The following LHFPL3 variants were observed in gnomAD, a reference collection of about 807,000 sequenced individuals.
The protein encoded by LHFPL3 is LHFPL tetraspan subfamily member 3 protein.
A neutral mutation model predicts 19.3 loss-of-function variants in LHFPL3; 5 were observed. The ratio of observed to expected loss-of-function variants is 0.26; its 90% CI spans 0.14 to 0.54. The LOEUF is 0.54. Among genes scored for constraint, LHFPL3 ranks in the 20% least tolerant of loss-of-function variants. The probability of loss-of-function intolerance (pLI) is 0.94; values close to 1 mark genes in which losing one functional copy is unlikely to be tolerated. For missense variants in LHFPL3, 249 were observed against 307.4 expected (o/e 0.81, Z 1.42); for synonymous variants, 133 against 126.2 (o/e 1.05, Z -0.36).
chr7:104,652,554 G>A (rs1218462193), intron 1 of LHFPL3, among the ~76,000 whole-genome samples: 2 of 152,126 alleles, frequency 1.3e-5, no homozygotes, highest in African/African-American at 4.8e-5. Context: ...TTCAGAAAAG[G>A]TCTTAGCATA....
At chr7:104,690,813 G>C (rs1394508123) in intron 1 of LHFPL3, among the ~76,000 whole-genome samples, 1 of 152,230 alleles carries the variant, frequency 6.6e-6, no homozygotes, top group African/African-American at 2.4e-5. Flanking sequence ...CCAAAAGGCT[G>C]CCAGTTTTGG....
chr7:104,692,265 T>C (rs565758640), intron 1 of LHFPL3, among the ~76,000 whole-genome samples: 12 of 152,198 alleles, frequency 7.9e-5, no homozygotes, highest in Admixed American at 7.9e-4. Flanking sequence ...GATGATGTGA[T>C]AGAAAAGAAA....
At chr7:104,731,893 G>A (rs187489963) in intron 1 of LHFPL3, among the ~76,000 whole-genome samples, 8 of 152,242 alleles carry the variant, frequency 5.3e-5, no homozygotes, top group South Asian at 2.1e-4. Flanking sequence ...TTTGAGATAC[G>A]TCTCATTAAT....
At chr7:104,679,096 G>A (rs540806489) in intron 1 of LHFPL3, among the ~76,000 whole-genome samples, 2 of 152,360 alleles carry the variant, frequency 1.3e-5, no homozygotes, top group African/African-American at 4.8e-5. Context: ...CAACTTAGCT[G>A]GTAGTTCTAG....
chr7:104,762,402 A>G (rs1389042624), intron 2 of LHFPL3, among the ~76,000 whole-genome samples: 2 of 152,228 alleles, frequency 1.3e-5, no homozygotes, highest in African/African-American at 2.4e-5. Flanking sequence ...AAAATTAGAT[A>G]GCTGTGCAGG....
chr7:104,374,747 G>A (rs1050328981), intron 1 of LHFPL3, among the ~76,000 whole-genome samples: 3 of 152,188 alleles, frequency 2.0e-5, no homozygotes, highest in Non-Finnish European at 4.4e-5. Flanking sequence ...CCAATGTTAT[G>A]TGAATGATTC....
intron 1 of LHFPL3, among the ~76,000 whole-genome samples, chr7:104,365,307 AT>A (rs1432053981): frequency 1.3e-5 from 2 of 152,128 alleles, no homozygotes; most frequent in African/African-American, 2.4e-5. Context: ...CTCAAAAAAA[AT>A]AAAAAATAAA....
intron 1 of LHFPL3, among the ~76,000 whole-genome samples, chr7:104,626,815 T>C (rs1791553912): frequency 1.3e-5 from 2 of 152,210 alleles, no homozygotes; most frequent in South Asian, 2.1e-4. Flanking sequence ...TATATTTCCA[T>C]GTGCTGCTGC....
At chr7:104,511,361 T>C (rs1202696877) in intron 1 of LHFPL3, among the ~76,000 whole-genome samples, 2 of 152,122 alleles carry the variant, frequency 1.3e-5, no homozygotes, top group East Asian at 3.8e-4. Flanking sequence ...CATACATTGG[T>C]GGTGGGAATG....
At chr7:104,519,525 G>C (rs1794001093) in intron 1 of LHFPL3, among the ~76,000 whole-genome samples, 1 of 152,170 alleles carries the variant, frequency 6.6e-6, no homozygotes, top group Non-Finnish European at 1.5e-5. Context: ...AACCAGTTTA[G>C]GGAGGGAGAA....
chr7:104,669,517 T>C, intron 1 of LHFPL3: 3 of 1,611,862 alleles, frequency 1.9e-6, no homozygotes, highest in Non-Finnish European at 2.5e-6. Flanking sequence ...TGCAAGCAAG[T>C]ATGCTGCTCT....
intron 2 of LHFPL3, 55 bp downstream of exon 2, chr7:104,736,966 G>A: frequency 1.4e-6 from 2 of 1,379,894 alleles, no homozygotes; most frequent in East Asian, 2.5e-5. Context: ...AAAAAATGGT[G>A]CTCTCCATTC....
At chr7:104,552,173 C>T (rs923517393) in intron 1 of LHFPL3, among the ~76,000 whole-genome samples, 5 of 152,200 alleles carry the variant, frequency 3.3e-5, no homozygotes, top group African/African-American at 1.2e-4. Flanking sequence ...TTAAAGGAGT[C>T]TTCAGCAGCA....
chr7:104,390,855 G>A (rs1791051644), intron 1 of LHFPL3, among the ~76,000 whole-genome samples: 1 of 152,270 alleles, frequency 6.6e-6, no homozygotes, highest in East Asian at 1.9e-4. Flanking sequence ...GTTGTTTCCT[G>A]ACTTTTTAAT....
intron 1 of LHFPL3, among the ~76,000 whole-genome samples, chr7:104,415,016 T>G (rs1271420290): frequency 2.0e-5 from 3 of 152,194 alleles, no homozygotes; most frequent in Non-Finnish European, 4.4e-5. Context: ...TTAACTCTGA[T>G]TAGCATATAA....
intron 1 of LHFPL3, among the ~76,000 whole-genome samples, chr7:104,415,210 A>G (rs1011361551): frequency 3.3e-5 from 5 of 152,224 alleles, no homozygotes; most frequent in African/African-American, 4.8e-5. Context: ...GAAACATTCA[A>G]TAACAGATGT....
At chr7:104,757,084 G>A (rs1458349073) in intron 2 of LHFPL3, among the ~76,000 whole-genome samples, 19 of 152,096 alleles carry the variant, frequency 1.2e-4, no homozygotes, top group Admixed American at 1.2e-3. Flanking sequence ...CTTCAACAAA[G>A]TAGACAAAAA....
intron 1 of LHFPL3, among the ~76,000 whole-genome samples, chr7:104,480,840 G>A (rs567942742): frequency 3.9e-5 from 6 of 152,234 alleles, no homozygotes; most frequent in Admixed American, 6.5e-5. Context: ...GTAGGTATTC[G>A]CTGCTGACCT....
intron 1 of LHFPL3, among the ~76,000 whole-genome samples, chr7:104,713,062 C>A (rs1451795464): frequency 1.3e-5 from 2 of 152,120 alleles, no homozygotes; most frequent in Non-Finnish European, 2.9e-5. Flanking sequence ...GGATCAGTAC[C>A]AAGGCCTAGA....
Sources: gnomAD v4.1 joint callset for allele counts (sites outside exome capture counted in the v4.1 genomes callset) on GRCh38, gnomAD v4.1.1 for gene constraint, MANE v1.5 for transcripts, NCBI Gene and HGNC (gene_info 2026-07-23, HGNC 2026-07-21) for gene names.